Variants in DOCK3 observed in about 807,000 individuals in gnomAD.
The protein encoded by DOCK3 is dedicator of cytokinesis protein 3.
A neutral mutation model predicts 265.6 loss-of-function variants in DOCK3; 60 were observed. The ratio of observed to expected loss-of-function variants is 0.23; its 90% confidence interval spans 0.18 to 0.28. DOCK3 has a LOEUF of 0.28. DOCK3 is among the 10% of genes least tolerant of loss of function. DOCK3 has a pLI of 1.00. For synonymous variants in DOCK3, 881 were observed against 938.0 expected (o/e 0.94, Z 1.11); for missense variants, 1,981 against 2,594.3 (o/e 0.76, Z 5.14).
chr3:50,840,052 C>T lies in DOCK3; in HGVS notation c.122-1623C>T, dbSNP rs185925719. On this transcript the variant is annotated intron_variant, in intron 2 of 52. Transcript: ENST00000266037. ...AAAGTGCTGGGATTACAGGTGTGAG[C>T]CACTGTGCCTGGCCGGGCTGTTTAT... 1.2e-3 allele frequency among the ~76,000 whole-genome samples: 184 copies of T among 152,036 alleles called. 1 individual carries two copies. In the Middle Eastern group the frequency reaches 0.044, roughly 37 times the overall value.
intron 1 of DOCK3, among the ~76,000 whole-genome samples, chr3:50,777,971 G>A (rs984308646): frequency 6.6e-6 from 1 of 152,102 alleles, no homozygotes; most frequent in Non-Finnish European, 1.5e-5. Flanking sequence ...GTGAAAATGG[G>A]CATCCTTATC....
chr3:50,920,176 C>T (rs898520312), intron 4 of DOCK3, among the ~76,000 whole-genome samples: 8 of 152,066 alleles, frequency 5.3e-5, no homozygotes, highest in Admixed American at 2.6e-4. Context: ...ATTTTTGCAT[C>T]GATTTTCATC....
intron 9 of DOCK3, among the ~76,000 whole-genome samples, chr3:51,141,751 A>G (rs1012261721): frequency 6.6e-6 from 1 of 152,206 alleles, no homozygotes; most frequent in Non-Finnish European, 1.5e-5. Context: ...CTGTTAGAAT[A>G]ATCCAAGTTA....
chr3:50,900,946 CG>C, intron 4 of DOCK3: 2 of 425,836 alleles, frequency 4.7e-6, no homozygotes, highest in Admixed American at 5.4e-5. Context: ...TCAGGAGGCA[CG>C]GGGGTCAGGG....
At chr3:50,883,776 T>G (rs1176951154) in intron 3 of DOCK3, among the ~76,000 whole-genome samples, 1 of 152,224 alleles carries the variant, frequency 6.6e-6, no homozygotes, top group Non-Finnish European at 1.5e-5. Context: ...ACGTTTACCA[T>G]GAGTGACATT....
At chr3:50,840,571 A>T (rs545940874) in intron 2 of DOCK3, among the ~76,000 whole-genome samples, 2 of 152,170 alleles carry the variant, frequency 1.3e-5, no homozygotes, top group South Asian at 2.1e-4. Flanking sequence ...CTGTTTGCCT[A>T]ATCTTTCACC....
At chr3:51,016,972 A>AT (rs2079370560) in intron 5 of DOCK3, among the ~76,000 whole-genome samples, 1 of 22,084 alleles carries the variant, frequency 4.5e-5, no homozygotes, top group African/African-American at 3.5e-4. Flanking sequence ...ATATATATAT[A>AT]AATAAATGGT....
At chr3:50,770,835 C>T (rs1174505037) in intron 1 of DOCK3, among the ~76,000 whole-genome samples, 1 of 152,118 alleles carries the variant, frequency 6.6e-6, no homozygotes, top group Non-Finnish European at 1.5e-5. Context: ...TCATTTTCAC[C>T]AAAGATGCCA....
intron 9 of DOCK3, among the ~76,000 whole-genome samples, chr3:51,108,502 A>G (rs189548361): frequency 7.2e-5 from 11 of 152,348 alleles, no homozygotes; most frequent in Admixed American, 7.2e-4. Context: ...GCTTAAACAA[A>G]TAAACACGAA....
chr3:51,248,850 G>A (rs1408604939), intron 22 of DOCK3, among the ~76,000 whole-genome samples: 16 of 134,058 alleles, frequency 1.2e-4, no homozygotes, highest in South Asian at 2.6e-4. Flanking sequence ...CCGCCGCCCC[G>A]TCTGGGATGT....
intron 9 of DOCK3, among the ~76,000 whole-genome samples, chr3:51,111,273 A>G (rs1234495299): frequency 6.6e-6 from 1 of 152,028 alleles, no homozygotes; most frequent in Non-Finnish European, 1.5e-5. Context: ...AAAATGGACA[A>G]AGCAGGAGAC....
intron 5 of DOCK3, among the ~76,000 whole-genome samples, chr3:50,945,434 C>T (rs184634184): frequency 2.0e-4 from 31 of 152,194 alleles, no homozygotes; most frequent in African/African-American, 7.2e-4. Flanking sequence ...GGCATAGTTA[C>T]TGAAGATGAC....
intron 5 of DOCK3, among the ~76,000 whole-genome samples, chr3:50,987,755 C>T (rs185719451): frequency 2.0e-4 from 30 of 152,286 alleles, no homozygotes; most frequent in Admixed American, 5.2e-4. Flanking sequence ...GGAACCTCTC[C>T]GGTCCAGAGA....
chr3:50,782,021 A>G (rs1031030485), intron 2 of DOCK3, among the ~76,000 whole-genome samples: 1 of 152,148 alleles, frequency 6.6e-6, no homozygotes, highest in Non-Finnish European at 1.5e-5. Context: ...TCTGTAGTCT[A>G]CAATTGATGG....
intron 10 of DOCK3, among the ~76,000 whole-genome samples, chr3:51,153,084 T>C (rs2085686198): frequency 6.6e-6 from 1 of 152,244 alleles, no homozygotes; most frequent in East Asian, 1.9e-4. Context: ...TGCCTTTTGT[T>C]CAGCTATGCC....
intron 1 of DOCK3, among the ~76,000 whole-genome samples, chr3:50,681,206 G>C (rs2034381425): frequency 6.6e-6 from 1 of 152,168 alleles, no homozygotes; most frequent in African/African-American, 2.4e-5. Flanking sequence ...AAGCTAAATT[G>C]TAAACATGGC....
rs548458758 is a variant in DOCK3, at chr3:50,957,856, A to C, written c.315+23779A>C. Among the ~76,000 whole-genome samples the C allele has an allele frequency of 1.2e-3, 190 of 152,346 alleles. 1 individual carries two copies. The highest frequency in any genetic ancestry group is 4.4e-3 in the African/African-American group (183 of 41,600). ...TCACTAGGTTAATTGAGAAGGAAAG[A>C]TTGTTAAATTATTTAAATTAACTAA... On this transcript the variant is annotated intron_variant, in intron 5 of 52. Transcript: ENST00000266037.
intron 14 of DOCK3, among the ~76,000 whole-genome samples, chr3:51,225,333 G>A (rs2090284611): frequency 1.3e-5 from 2 of 152,180 alleles, no homozygotes; most frequent in Non-Finnish European, 2.9e-5. Flanking sequence ...TTCCCTCTTT[G>A]GGAGGCTTAG....
At chr3:51,095,851 CAAAAAAAAA>C (rs71278627) in intron 9 of DOCK3, among the ~76,000 whole-genome samples, 10 of 9,806 alleles carry the variant, frequency 1.0e-3, no homozygotes, top group East Asian at 5.7e-3. Flanking sequence ...ATAAGGTTAG[CAAAAAAAAA>C]AAAAAAAAAA....
Sources: gnomAD v4.1 joint callset for allele counts (sites outside exome capture counted in the v4.1 genomes callset) on GRCh38, gnomAD v4.1.1 for gene constraint, MANE v1.5 for transcripts, NCBI Gene and HGNC (gene_info 2026-07-23, HGNC 2026-07-21) for gene names.